Variants in CMSS1 observed in about 807,000 individuals in gnomAD.
CMSS1 encodes protein CMSS1.
Under a neutral mutation model 43.5 loss-of-function variants are expected in CMSS1, and 33 were observed. That is an observed-to-expected ratio of 0.76 (90% CI 0.57 to 1.01). The LOEUF (loss-of-function observed/expected upper bound fraction) is 1.01. Ranked by LOEUF, CMSS1 falls within the 50% of genes least tolerant of loss-of-function variation. The pLI is 0.00. For missense variants in CMSS1, 313 were observed against 326.4 expected, an observed-to-expected ratio of 0.96 and a Z score of 0.32; for synonymous variants, 115 against 117.2, an observed-to-expected ratio of 0.98 and a Z score of 0.12.
At chr3:99,931,055 A>G (rs1402008947) in intron 1 of CMSS1, 1 of 1,601,752 alleles carries the variant, frequency 6.2e-7, no homozygotes, top group Admixed American at 1.7e-5. Context: ...GAAAATTTGT[A>G]AAGCTTAATG....
intron 1 of CMSS1, among the ~76,000 whole-genome samples, chr3:99,991,599 C>G (rs1309646658): frequency 6.6e-6 from 1 of 151,926 alleles, no homozygotes; most frequent in Admixed American, 6.6e-5. Context: ...CCCTCACCCC[C>G]CTGCCACCTT....
intron 1 of CMSS1, chr3:99,849,168 C>G: frequency 1.2e-6 from 2 of 1,614,118 alleles, no homozygotes; most frequent in Non-Finnish European, 8.5e-7. Context: ...CATTAGGGTC[C>G]TCGTCTTGAT....
chr3:100,096,569 G>A (rs2066212699), intron 1 of CMSS1, among the ~76,000 whole-genome samples: 1 of 151,858 alleles, frequency 6.6e-6, no homozygotes, highest in Admixed American at 6.6e-5. Context: ...CAAAATAATT[G>A]AACACATGTT....
chr3:99,904,456 C>T (rs965476312), intron 1 of CMSS1, among the ~76,000 whole-genome samples: 8 of 152,080 alleles, frequency 5.3e-5, no homozygotes, highest in African/African-American at 1.9e-4. Context: ...TAAAATAGAG[C>T]TTTTTAAAAA....
chr3:99,840,221 C>A (rs1418313933), intron 1 of CMSS1, among the ~76,000 whole-genome samples: 1 of 102,138 alleles, frequency 9.8e-6, no homozygotes, highest in Admixed American at 1.1e-4. Context: ...TTCGTAGAAT[C>A]TTTTTTTTTT....
intron 1 of CMSS1, among the ~76,000 whole-genome samples, chr3:100,085,279 A>T (rs1243122471): frequency 6.6e-6 from 1 of 152,256 alleles, no homozygotes; most frequent in African/African-American, 2.4e-5. Flanking sequence ...TAGTGTGATT[A>T]TAAACTAGTT....
chr3:99,906,209 A>G (rs1195898862), intron 1 of CMSS1, among the ~76,000 whole-genome samples: 1 of 152,058 alleles, frequency 6.6e-6, no homozygotes, highest in Non-Finnish European at 1.5e-5. Flanking sequence ...TAAATAAGTA[A>G]ATAAATATTA....
chr3:99,833,379 G>C, intron 1 of CMSS1: 3 of 758,408 alleles, frequency 4.0e-6, no homozygotes, highest in South Asian at 1.8e-5. Flanking sequence ...AGACTCCCTG[G>C]TTACAGTGAG....
intron 1 of CMSS1, among the ~76,000 whole-genome samples, chr3:99,916,500 G>C (rs1020756999): frequency 6.7e-6 from 1 of 148,586 alleles, no homozygotes; most frequent in East Asian, 2.0e-4. Flanking sequence ...TGTTTCTCTG[G>C]AGGACCCTGA....
At chr3:99,981,506 A>G (rs1709123495) in intron 1 of CMSS1, among the ~76,000 whole-genome samples, 1 of 152,202 alleles carries the variant, frequency 6.6e-6, no homozygotes. Context: ...ATACAATGAT[A>G]CATGATAAAT....
At chr3:99,861,197 CA>C (rs1337087767) in intron 1 of CMSS1, among the ~76,000 whole-genome samples, 2 of 151,800 alleles carry the variant, frequency 1.3e-5, no homozygotes, top group Non-Finnish European at 2.9e-5. Flanking sequence ...CCCGCCCTCC[CA>C]AAAAAAATTA....
chr3:99,945,175 G>A (rs1389273527), intron 1 of CMSS1, among the ~76,000 whole-genome samples: 1 of 152,206 alleles, frequency 6.6e-6, no homozygotes, highest in Non-Finnish European at 1.5e-5. Flanking sequence ...TTCGGGTTAA[G>A]TCCTGGGTTC....
intron 1 of CMSS1, among the ~76,000 whole-genome samples, chr3:99,824,678 G>A (rs1463512448): frequency 2.6e-5 from 4 of 152,300 alleles, no homozygotes; most frequent in African/African-American, 4.8e-5. Context: ...GGCAAATGCC[G>A]CTTTTCTCTT....
At chr3:99,966,398 A>AT (rs969753502) in intron 1 of CMSS1, among the ~76,000 whole-genome samples, 29 of 150,582 alleles carry the variant, frequency 1.9e-4, no homozygotes, top group Admixed American at 2.6e-4. Context: ...TGATGGATAG[A>AT]TTTTTTTTTT....
intron 1 of CMSS1, chr3:100,141,533 C>T (rs1411384326): frequency 2.2e-6 from 1 of 456,052 alleles, no homozygotes; most frequent in Non-Finnish European, 4.4e-6. Context: ...TTGCCAGGGC[C>T]CCTCCCAGTG....
At chr3:100,040,393 C>G (rs1042501029) in intron 1 of CMSS1, 1 of 152,146 alleles carries the variant, frequency 6.6e-6, no homozygotes, top group African/African-American at 2.4e-5. Flanking sequence ...TTGTATAGTT[C>G]CAGATAATAG....
intron 1 of CMSS1, among the ~76,000 whole-genome samples, chr3:99,823,116 T>A (rs1386002573): frequency 6.6e-6 from 1 of 152,216 alleles, no homozygotes; most frequent in Non-Finnish European, 1.5e-5. Flanking sequence ...AGACTCATAA[T>A]TTAGAAAGTC....
intron 1 of CMSS1, among the ~76,000 whole-genome samples, chr3:100,027,407 A>G (rs1226120149): frequency 6.6e-6 from 1 of 152,180 alleles, no homozygotes; most frequent in East Asian, 1.9e-4. Context: ...AAACTCTTCA[A>G]TAGGCCAAAC....
intron 1 of CMSS1, chr3:99,833,339 A>T: frequency 7.8e-7 from 1 of 1,276,574 alleles, no homozygotes; most frequent in Non-Finnish European, 1.1e-6. Context: ...TTTTATCCAT[A>T]GATTCTCAAA....
Sources: gnomAD v4.1 joint callset for allele counts (sites outside exome capture counted in the v4.1 genomes callset) on GRCh38, gnomAD v4.1.1 for gene constraint, MANE v1.5 for transcripts, NCBI Gene and HGNC (gene_info 2026-07-23, HGNC 2026-07-21) for gene names.